CDCA2: variants seen among roughly 807,000 people sequenced by gnomAD.
CDCA2 encodes the protein cell division cycle-associated protein 2.
A neutral mutation model predicts 67.0 loss-of-function variants in CDCA2; 44 were observed. The ratio of observed to expected loss-of-function variants is 0.66; its 90% confidence interval spans 0.52 to 0.84. The LOEUF (loss-of-function observed/expected upper bound fraction) is 0.84, where lower values mean the gene tolerates loss of function less well. Among genes scored for constraint, CDCA2 ranks in the 40% least tolerant of loss-of-function variants. CDCA2 has a pLI of 0.00. For synonymous variants in CDCA2, 447 were observed against 418.7 expected (o/e 1.07, Z -0.82); for missense variants, 1,253 against 1,203.2 (o/e 1.04, Z -0.61).
At chr8:25,476,014 T>G (rs960109087) in intron 7 of CDCA2, among the ~76,000 whole-genome samples, 1 of 152,196 alleles carries the variant, frequency 6.6e-6, no homozygotes, top group African/African-American at 2.4e-5. Flanking sequence ...GAATTCTCTG[T>G]GTGTGGCACT....
chr8:25,494,463 T>A (rs1219364976), intron 13 of CDCA2, among the ~76,000 whole-genome samples: 1 of 152,218 alleles, frequency 6.6e-6, no homozygotes, highest in Non-Finnish European at 1.5e-5. Flanking sequence ...TTATGCTGTA[T>A]TTTTACAGTA....
intron 12 of CDCA2, among the ~76,000 whole-genome samples, chr8:25,488,077 G>A (rs1021503646): frequency 3.3e-5 from 5 of 151,984 alleles, no homozygotes; most frequent in African/African-American, 7.3e-5. Context: ...TTGCTATTTC[G>A]TTAAATTAGA....
chr8:25,476,583 C>T (rs1449684515), intron 7 of CDCA2, among the ~76,000 whole-genome samples: 2 of 150,376 alleles, frequency 1.3e-5, no homozygotes, highest in Admixed American at 6.6e-5. Flanking sequence ...GATGGAGTCT[C>T]ACTCTGCCGC....
intron 5 of CDCA2, among the ~76,000 whole-genome samples, chr8:25,466,889 A>G (rs1802921503): frequency 6.6e-6 from 1 of 151,872 alleles, no homozygotes; most frequent in Non-Finnish European, 1.5e-5. Flanking sequence ...CTAAAAATAC[A>G]AAATTAGCCA....
chr8:25,488,482 G>C (rs969938789), intron 12 of CDCA2, 70 bp from the exon 13 acceptor site: 6 of 1,403,622 alleles, frequency 4.3e-6, no homozygotes, highest in Non-Finnish European at 5.7e-6. Flanking sequence ...AGCACAACAA[G>C]AGTGAGAGCA....
chr8:25,498,049 G>C (rs1804305206), intron 13 of CDCA2, among the ~76,000 whole-genome samples: 1 of 152,108 alleles, frequency 6.6e-6, no homozygotes, highest in South Asian at 2.1e-4. Context: ...GAGACTAAAA[G>C]ACATGAATCA....
At position 25,507,073 on chromosome 8, in the gene CDCA2, G is replaced by C. The variant is rs1304050826; in HGVS notation, c.2407G>C (p.Glu803Gln). Residue 803 changes from glutamate (E) to glutamine (Q), a missense_variant, in exon 15 of 15, where the codon GAA becomes CAA. By Grantham distance (29) the Glu-to-Gln change is conservative. Transcript: ENST00000330560. The stretch of plus-strand genomic sequence containing the variant: ...AGATGTCTTAATTGAAAATACGAAA[G>C]AATCTAAAAGCCAGAGTGAGGATTT... ...LGDVLIENTK[E>Q]SKSQSEDLGR... 6.2e-7 allele frequency: 1 copy of C among 1,613,962 alleles called. No homozygotes were observed. The highest frequency in any genetic ancestry group is 2.2e-5 in the East Asian group (1 of 44,864).
Position 25,487,304 on chromosome 8 carries a change from T to C in CDCA2, c.1503T>C (p.Gly501=). The change falls in exon 12 of 15, where the codon GGT becomes GGC. Residue 501 remains glycine, a synonymous_variant. Transcript: ENST00000330560. ...AGAAAATATCCTCTCCTAAAGTTGGTAGAATAACAAGGACTTCTAACAGAA... is the reference window on the plus strand; with the variant it reads ...AGAAAATATCCTCTCCTAAAGTTGGCAGAATAACAAGGACTTCTAACAGAA... ...NHEKISSPKV[G]RITRTSNRRN... The C allele has an allele frequency of 6.2e-7, 1 of 1,608,508 alleles. No homozygotes were observed.
At chr8:25,496,707 A>C (rs1410742431) in intron 13 of CDCA2, among the ~76,000 whole-genome samples, 11 of 152,176 alleles carry the variant, frequency 7.2e-5, no homozygotes, top group Admixed American at 7.2e-4. Flanking sequence ...AATTAAAACC[A>C]CAATGAGATA....
intron 4 of CDCA2, 97 bp from the exon 5 acceptor site, chr8:25,466,078 T>G: frequency 9.1e-7 from 1 of 1,093,412 alleles, no homozygotes; most frequent in South Asian, 1.6e-5. Flanking sequence ...AAAGCATATG[T>G]GTACTGTATT....
rs368293467 is a variant in CDCA2, at chr8:25,484,157, C to T, written c.1312C>T (p.Pro438Ser). The T allele has an allele frequency of 5.6e-6, 9 of 1,614,214 alleles. No homozygotes were observed. In the Middle Eastern group the frequency reaches 5.0e-4, roughly 89 times the overall value. Residue 438 changes from proline to serine, a missense_variant, in exon 10 of 15, where the codon CCT becomes TCT. Pro to Ser is a moderately conservative substitution (Grantham distance 74). Coordinates refer to ENST00000330560, the MANE Select transcript of CDCA2 (RefSeq NM_152562.4). ...GLSSLLLEQS[P>S]VPEPLPQPDF... ...CAGTTCCCTGCTGCTTGAGCAGTCA[C>T]CTGTTCCTGAGCCATTACCTCAACC...
Position 25,483,438 on chromosome 8 carries a change from C to G in CDCA2, c.1072C>G (p.Pro358Ala). 6.2e-7 allele frequency: 1 copy of G among 1,611,444 alleles called. No homozygotes were observed. Among genetic ancestry groups the G allele is most frequent in the Non-Finnish European group, 8.5e-7 (1 of 1,178,834 alleles). The change falls in exon 9 of 15, where the codon CCG becomes GCG. Residue 358 changes from proline to alanine, a missense_variant. Coordinates refer to ENST00000330560, the MANE Select transcript of CDCA2 (RefSeq NM_152562.4). ...NNLYDDDGTH[P>A]SLISNLPNCC... Reference sequence around the variant, plus strand: ...CCTCTATGATGATGATGGGACTCATCCGAGCTTAATCTCAAATCTCCCAAA... The same window carrying G: ...CCTCTATGATGATGATGGGACTCATGCGAGCTTAATCTCAAATCTCCCAAA...
Position 25,503,494 on chromosome 8 carries a change from A to T in CDCA2, c.1793A>T (p.Glu598Val), listed in dbSNP as rs758966884. The change falls in exon 14 of 15, where the codon GAA (glutamate) becomes GTA (valine). Residue 598 changes from glutamate (E) to valine (V), a missense_variant. Physicochemically the swap from Glu to Val is moderately radical, Grantham distance 121. Coordinates refer to ENST00000330560, the MANE Select transcript of CDCA2 (RefSeq NM_152562.4). ...PLLSPIPELP[E>V]VPEMTPSIPS... ...CTCAGTCCTATTCCCGAGCTGCCTG[A>T]AGTCCCTGAGATGACACCTTCCATT... is the stretch of plus-strand genomic sequence containing the variant. 1 of 1,614,092 alleles carries T rather than the reference A, an allele frequency of 6.2e-7. No homozygotes were observed. Among genetic ancestry groups the T allele is most frequent in the Non-Finnish European group, 8.5e-7 (1 of 1,179,998 alleles).
chr8:25,462,047 A>G lies in CDCA2; in HGVS notation c.233-7A>G. 1.2e-6 allele frequency: 2 copies of G among 1,611,538 alleles called. No homozygotes were observed. Among genetic ancestry groups the G allele is most frequent in the Non-Finnish European group, 1.7e-6 (2 of 1,177,938 alleles). On this transcript the variant is annotated splice_polypyrimidine_tract_variant and splice_region_variant and intron_variant, in intron 3 of 14. Transcript: ENST00000330560. ...TTGTTCCAATTTATAAGAGAGTTTCATTACAGGAAAGTCATCATCCTACCT... is the reference window on the plus strand; with the variant it reads ...TTGTTCCAATTTATAAGAGAGTTTCGTTACAGGAAAGTCATCATCCTACCT...
At chr8:25,479,426 G>A (rs989814364) in intron 7 of CDCA2, among the ~76,000 whole-genome samples, 6 of 152,146 alleles carry the variant, frequency 3.9e-5, no homozygotes, top group East Asian at 1.9e-4. Flanking sequence ...GAAAAGCCAC[G>A]CCTGTTTGGG....
chr8:25,506,824 G>A lies in CDCA2; in HGVS notation c.2158G>A (p.Glu720Lys). 6.2e-7 allele frequency: 1 copy of A among 1,614,016 alleles called. No individual in the cohort carries two copies. The highest frequency in any genetic ancestry group is 8.5e-7 in the Non-Finnish European group (1 of 1,179,996). The change falls in exon 15 of 15, where the codon GAA (glutamate) becomes AAA (lysine). Residue 720 changes from glutamate to lysine, a missense_variant. Glu to Lys is a moderately conservative substitution (Grantham distance 56). Transcript: ENST00000330560. The part of the protein sequence containing the change: ...SPVSCASVTE[E>K]RVASDSPKPA... ...TGTTTCTTGTGCTTCTGTAACTGAAGAACGTGTGGCATCAGATAGTCCCAA... is the reference window on the plus strand; with the variant it reads ...TGTTTCTTGTGCTTCTGTAACTGAAAAACGTGTGGCATCAGATAGTCCCAA...
At position 25,479,927 on chromosome 8, in the gene CDCA2, G is replaced by A. The variant is rs202137737; in HGVS notation, c.835G>A (p.Asp279Asn). ...TETSNALKVADCVVGKGSSDA... is the reference protein window; with the variant it reads ...TETSNALKVANCVVGKGSSDA... ...TTATCTTGAAGCACTAAAGGTTGCT[G>A]ACTGTGTAGTGGGCAAAGGATCAAG... Residue 279 changes from aspartate (D) to asparagine (N), a missense_variant, in exon 8 of 15, where the codon GAC (aspartate) becomes AAC (asparagine). By Grantham distance (23) the Asp-to-Asn change is conservative. Transcript: ENST00000330560. 1.2e-5 allele frequency: 19 copies of A among 1,614,178 alleles called. No individual in the cohort carries two copies. The highest frequency in any genetic ancestry group is 1.4e-5 in the Non-Finnish European group (17 of 1,180,040).
At chr8:25,501,676 T>C (rs1392619472) in intron 13 of CDCA2, among the ~76,000 whole-genome samples, 2 of 152,314 alleles carry the variant, frequency 1.3e-5, no homozygotes, top group East Asian at 3.9e-4. Flanking sequence ...GTGGAGCCGA[T>C]CTTGAACACC....
intron 4 of CDCA2, among the ~76,000 whole-genome samples, chr8:25,465,560 T>A (rs751849256): frequency 6.6e-6 from 1 of 152,204 alleles, no homozygotes; most frequent in Non-Finnish European, 1.5e-5. Flanking sequence ...AGAGAGCTTC[T>A]GTGCTTATAC....
Sources: gnomAD v4.1 joint callset for allele counts (sites outside exome capture counted in the v4.1 genomes callset) on GRCh38, gnomAD v4.1.1 for gene constraint, MANE v1.5 for transcripts, NCBI Gene and HGNC (gene_info 2026-07-23, HGNC 2026-07-21) for gene names.